Variants in ST7L observed in about 807,000 individuals in gnomAD.
ST7L encodes suppression of tumorigenicity 7 like.
In ST7L, 57 loss-of-function variants were observed where a neutral mutation model predicts 72.5. That is an observed-to-expected ratio of 0.79 (90% CI 0.64 to 0.98). ST7L has a LOEUF of 0.98. Among genes scored for constraint, ST7L ranks in the 50% least tolerant of loss-of-function variants. The pLI is 0.00. For missense variants in ST7L, 576 were observed against 672.2 expected (o/e 0.86, Z 1.58); for synonymous variants, 221 against 240.9 (o/e 0.92, Z 0.77).
In ST7L at chr1:112,596,928, C is replaced by T. The variant is rs540601230; in HGVS notation, c.622+1043G>A. Among the ~76,000 whole-genome samples, 25 of 152,268 alleles carry T rather than the reference C, an allele frequency of 1.6e-4. No homozygotes were observed. The South Asian group carries it at 1.9e-3, about 11-fold the overall frequency. On this transcript the variant is annotated intron_variant, in intron 5 of 14. Coordinates refer to ENST00000358039, the MANE Select transcript of ST7L (RefSeq NM_017744.5). ...CTGGGATTACAGGCGTGAGCCACCG[C>T]GCCCAGCCCATTCATACTTTCCTCA...
chr1:112,571,878 T>C (rs1314454120), intron 11 of ST7L, among the ~76,000 whole-genome samples: 1 of 152,198 alleles, frequency 6.6e-6, no homozygotes, highest in African/African-American at 2.4e-5. Flanking sequence ...TGGTTTCCCA[T>C]GACATATAAA....
intron 14 of ST7L, among the ~76,000 whole-genome samples, chr1:112,533,683 T>C (rs970409181): frequency 2.0e-5 from 3 of 152,032 alleles, no homozygotes; most frequent in Non-Finnish European, 2.9e-5. Context: ...TAAGACAAGG[T>C]CTTGCTCTGT....
chr1:112,559,442 C>T (rs182936175), intron 11 of ST7L, among the ~76,000 whole-genome samples: 13 of 151,758 alleles, frequency 8.6e-5, no homozygotes, highest in African/African-American at 2.2e-4. Context: ...CTATGTTGGC[C>T]AGGCTGGTCT....
intron 5 of ST7L, 139 bp downstream of exon 5, chr1:112,597,830 ATC>A (rs1355219322): frequency 2.2e-6 from 1 of 460,132 alleles, no homozygotes; most frequent in Non-Finnish European, 3.7e-6. Context: ...TCATAATTTA[ATC>A]TGAGTTTGTT....
intron 14 of ST7L, chr1:112,527,765 C>T (rs1653696670): frequency 6.6e-6 from 1 of 152,330 alleles, no homozygotes; most frequent in South Asian, 2.1e-4. Flanking sequence ...AGAGGGTTAA[C>T]TCCTTCCCAA....
At chr1:112,618,150 C>T in intron 1 of ST7L, 1 of 1,272,270 alleles carries the variant, frequency 7.9e-7, no homozygotes, top group South Asian at 1.3e-5. Context: ...GAAATATAAT[C>T]ACATGGTAAG....
At position 112,609,153 on chromosome 1, in the gene ST7L, C is replaced by T. The variant is rs536359039; in HGVS notation, c.451+1688G>A. On this transcript the variant is annotated intron_variant, in intron 3 of 14. Coordinates refer to ENST00000358039, the MANE Select transcript of ST7L (RefSeq NM_017744.5). ...ACCAGCCTGGGCAACATACTGAGAC[C>T]TCATCTCTATTAAAATAATAATAAT... Among the ~76,000 whole-genome samples, 5 of 152,072 alleles carry T rather than the reference C, an allele frequency of 3.3e-5. No homozygotes were observed. The East Asian group carries it at 9.7e-4, about 29-fold the overall frequency.
At chr1:112,615,698 T>C (rs1207160791) in intron 2 of ST7L, among the ~76,000 whole-genome samples, 2 of 152,146 alleles carry the variant, frequency 1.3e-5, no homozygotes, top group Non-Finnish European at 2.9e-5. Flanking sequence ...TTTTTTTTAA[T>C]GGGCAAATTT....
downstream of ST7L, chr1:112,520,680 T>C: frequency 1.5e-6 from 1 of 684,730 alleles, no homozygotes; most frequent in Non-Finnish European, 2.4e-6. Context: ...TCCTTAGCCC[T>C]GGGAAGGAGT....
intron 11 of ST7L, among the ~76,000 whole-genome samples, chr1:112,559,565 C>A (rs1434099841): frequency 2.0e-5 from 3 of 152,016 alleles, no homozygotes; most frequent in Admixed American, 2.0e-4. Context: ...CAACTATATA[C>A]CTAAATTTTT....
At chr1:112,597,481 A>G (rs769364409) in intron 5 of ST7L, among the ~76,000 whole-genome samples, 3 of 152,196 alleles carry the variant, frequency 2.0e-5, no homozygotes, top group Non-Finnish European at 4.4e-5. Context: ...CCATAAAATT[A>G]AGAGTCTCAA....
chr1:112,562,829 T>C (rs1253950716), intron 11 of ST7L, among the ~76,000 whole-genome samples: 1 of 152,122 alleles, frequency 6.6e-6, no homozygotes, highest in Non-Finnish European at 1.5e-5. Flanking sequence ...ACTCTGGCAA[T>C]AGCTGGAATG....
At chr1:112,584,884 A>G (rs931842565) in intron 6 of ST7L, among the ~76,000 whole-genome samples, 2 of 152,188 alleles carry the variant, frequency 1.3e-5, no homozygotes, top group African/African-American at 2.4e-5. Context: ...CCCTTGGCCA[A>G]CTAGGCACTT....
chr1:112,600,895 C>A (rs770310721), intron 3 of ST7L, 47 bp from the exon 4 acceptor site: 2 of 1,531,746 alleles, frequency 1.3e-6, no homozygotes, highest in Non-Finnish European at 1.8e-6. Flanking sequence ...ACTTTAAAAT[C>A]TTCATTTAAC....
chr1:112,594,573 T>C (rs908240763), intron 5 of ST7L, among the ~76,000 whole-genome samples: 1 of 152,094 alleles, frequency 6.6e-6, no homozygotes, highest in African/African-American at 2.4e-5. Context: ...CAAGGAGTAA[T>C]AAAGGTAGTG....
At chr1:112,562,553 A>G (rs2101670293) in intron 11 of ST7L, among the ~76,000 whole-genome samples, 1 of 152,338 alleles carries the variant, frequency 6.6e-6, no homozygotes, top group Middle Eastern at 3.4e-3. Context: ...AGGAGACAAC[A>G]GATGAGCAGG....
At chr1:112,526,879 T>C (rs1653520551) in intron 14 of ST7L, 2 of 152,218 alleles carry the variant, frequency 1.3e-5, no homozygotes, top group Admixed American at 6.5e-5. Flanking sequence ...GCCAGACAGA[T>C]GCCTACCCGT....
chr1:112,567,523 T>G (rs956982340), intron 11 of ST7L, among the ~76,000 whole-genome samples: 1 of 152,192 alleles, frequency 6.6e-6, no homozygotes, highest in African/African-American at 2.4e-5. Context: ...AAATCTTTCT[T>G]TACCCCCAGC....
At chr1:112,585,370 A>G (rs1459916726) in intron 6 of ST7L, among the ~76,000 whole-genome samples, 1 of 152,256 alleles carries the variant, frequency 6.6e-6, no homozygotes, top group East Asian at 1.9e-4. Context: ...AAAATGCACA[A>G]CGAATTTTGA....
Sources: gnomAD v4.1 joint callset for allele counts (sites outside exome capture counted in the v4.1 genomes callset) on GRCh38, gnomAD v4.1.1 for gene constraint, MANE v1.5 for transcripts, NCBI Gene and HGNC (gene_info 2026-07-23, HGNC 2026-07-21) for gene names.